CDH8: variants seen among roughly 807,000 people sequenced by gnomAD.
The protein encoded by CDH8 is cadherin-8.
Under a neutral mutation model 68.1 loss-of-function variants are expected in CDH8, and 17 were observed. The observed-to-expected ratio is 0.25, with a 90% CI of 0.17 to 0.37. The LOEUF is 0.37. CDH8 is among the 10% of genes least tolerant of loss of function. CDH8 has a pLI of 1.00. For missense variants in CDH8, 763 were observed against 999.3 expected (o/e 0.76, Z 3.19); for synonymous variants, 372 against 365.1 (o/e 1.02, Z -0.21).
intron 9 of CDH8, among the ~76,000 whole-genome samples, chr16:61,714,985 A>C (rs1286870984): frequency 6.6e-6 from 1 of 151,636 alleles, no homozygotes; most frequent in East Asian, 1.9e-4. Context: ...TTGCTTTCTA[A>C]CTTACCACTC....
intron 2 of CDH8, among the ~76,000 whole-genome samples, chr16:61,967,625 A>G (rs1965274541): frequency 6.6e-6 from 1 of 152,154 alleles, no homozygotes; most frequent in Non-Finnish European, 1.5e-5. Context: ...CAAGATTTTA[A>G]ATAATTTTTG....
intron 8 of CDH8, among the ~76,000 whole-genome samples, chr16:61,748,219 G>GTCA (rs60615047): frequency 0.56 from 84,375 of 150,876 alleles, 25,785 homozygotes; most frequent in African/African-American, 0.82. Flanking sequence ...ATTTGAGAAT[G>GTCA]TCATCATCAT....
In CDH8 at chr16:61,763,431, T is replaced by A. The variant is rs528949713; in HGVS notation, c.1414+25915A>T. On this transcript the variant is annotated intron_variant, in intron 8 of 11. Coordinates refer to ENST00000577390, the MANE Select transcript of CDH8 (RefSeq NM_001796.5). ...AAAGTCTGCATGTTCTCTTCCTCCT[T>A]CGCAAAGCATCCCATTGATCCTCTC... Among the ~76,000 whole-genome samples, 38 of 152,232 alleles carry A rather than the reference T, an allele frequency of 2.5e-4. 1 individual carries two copies. The highest frequency in any genetic ancestry group is 5.9e-4 in the Admixed American group (9 of 15,282).
chr16:61,873,470 A>G (rs971096787), intron 3 of CDH8, among the ~76,000 whole-genome samples: 1 of 152,206 alleles, frequency 6.6e-6, no homozygotes, highest in African/African-American at 2.4e-5. Flanking sequence ...TCAACTTGTA[A>G]TAATTAACAT....
intron 7 of CDH8, among the ~76,000 whole-genome samples, chr16:61,814,695 C>G (rs1962034157): frequency 2.0e-5 from 3 of 152,114 alleles, no homozygotes; most frequent in African/African-American, 7.2e-5. Context: ...TATGTGTTAC[C>G]CAATAATTCC....
In CDH8 at chr16:61,817,485, G is replaced by C. The variant is rs774332279; in HGVS notation, c.1271C>G (p.Pro424Arg). ...CCTTTTAAAATAAAAATACCTTATA[G>C]GACTGGAAGTGATATCAGGGTCACG... ...TARDPDITSS[P>R]IRFSIDRHTD... Residue 424 changes from proline (P) to arginine (R), a missense_variant, in exon 7 of 12, where the codon CCT (proline) becomes CGT (arginine). This residue lies in a region of CDH8 where 366 missense variants were observed against 563.1 expected (regional missense o/e 0.65). Coordinates refer to ENST00000577390, the MANE Select transcript of CDH8 (RefSeq NM_001796.5). 6.2e-7 allele frequency: 1 copy of C among 1,613,718 alleles called. No homozygotes were observed. The highest frequency in any genetic ancestry group is 1.3e-5 in the African/African-American group (1 of 74,866).
chr16:61,660,496 T>C (rs541751937), intron 10 of CDH8, among the ~76,000 whole-genome samples: 2 of 151,848 alleles, frequency 1.3e-5, no homozygotes, highest in East Asian at 3.9e-4. Context: ...CCAACAAATG[T>C]GCAGTGAGTG....
At chr16:61,794,493 T>C (rs1028045474) in intron 7 of CDH8, among the ~76,000 whole-genome samples, 1 of 152,106 alleles carries the variant, frequency 6.6e-6, no homozygotes, top group African/African-American at 2.4e-5. Context: ...ACATGTATTT[T>C]AACAGCTTTA....
chr16:61,923,444 G>A (rs915897082), intron 2 of CDH8, among the ~76,000 whole-genome samples: 11 of 151,944 alleles, frequency 7.2e-5, no homozygotes, highest in Non-Finnish European at 1.3e-4. Context: ...GCAGCATAAC[G>A]TTTGGGAAAA....
chr16:61,738,386 C>A (rs1026615008), intron 8 of CDH8, among the ~76,000 whole-genome samples: 1 of 152,112 alleles, frequency 6.6e-6, no homozygotes, highest in Non-Finnish European at 1.5e-5. Flanking sequence ...TTCACTCCAC[C>A]TTTTCCTACG....
chr16:61,778,399 G>A (rs1188465582), intron 8 of CDH8, among the ~76,000 whole-genome samples: 2 of 152,120 alleles, frequency 1.3e-5, no homozygotes, highest in African/African-American at 4.8e-5. Flanking sequence ...CCAAGGGCAA[G>A]AAGAAGGTCA....
At chr16:61,971,442 T>G (rs1226656334) in intron 2 of CDH8, among the ~76,000 whole-genome samples, 1 of 152,120 alleles carries the variant, frequency 6.6e-6, no homozygotes, top group African/African-American at 2.4e-5. Context: ...AATAGAATAT[T>G]TTTAAAAGAT....
rs531108587 is a variant in CDH8, at chr16:61,771,941, T to C, written c.1414+17405A>G. 7.2e-5 allele frequency among the ~76,000 whole-genome samples: 11 copies of C among 152,114 alleles called. No homozygotes were observed. In the East Asian group the frequency reaches 2.1e-3, roughly 29 times the overall value. The stretch of plus-strand genomic sequence containing the variant: ...TCCACACCTCCCTTCTCCAGCCTAA[T>C]GTTACTCATTCATTGTTAAATTATG... On this transcript the variant is annotated intron_variant, in intron 8 of 11. Transcript: ENST00000577390.
chr16:61,707,049 G>C (rs1050217612), intron 10 of CDH8, among the ~76,000 whole-genome samples: 1 of 152,106 alleles, frequency 6.6e-6, no homozygotes. Flanking sequence ...CTTTCCCTGT[G>C]CTTTACTCAT....
chr16:61,655,224 C>T (rs1233922613), intron 11 of CDH8, among the ~76,000 whole-genome samples: 1 of 152,096 alleles, frequency 6.6e-6, no homozygotes, highest in Non-Finnish European at 1.5e-5. Context: ...ACCATTATGC[C>T]TTGTTCATCG....
chr16:61,873,814 G>A (rs1480640340), intron 3 of CDH8, among the ~76,000 whole-genome samples: 2 of 152,138 alleles, frequency 1.3e-5, no homozygotes, highest in East Asian at 3.9e-4. Flanking sequence ...CCAGCACTTT[G>A]CGAAGCCAAG....
chr16:61,830,926 T>G (rs1389369289), intron 4 of CDH8, among the ~76,000 whole-genome samples: 1 of 151,886 alleles, frequency 6.6e-6, no homozygotes, highest in Non-Finnish European at 1.5e-5. Context: ...TTTGTAAATT[T>G]CCAACAGTAA....
rs537286557 is a variant in CDH8 at position 61,919,947 on chromosome 16, C to T, written c.253-18474G>A. On this transcript the variant is annotated intron_variant, in intron 2 of 11. Coordinates refer to ENST00000577390, the MANE Select transcript of CDH8 (RefSeq NM_001796.5). ...AGAACAGAGCCCTCAGAAATAATGC[C>T]GCATATCTACAACTATCTGATCTTT... 6.5e-3 allele frequency among the ~76,000 whole-genome samples: 981 copies of T among 152,064 alleles called. 10 individuals are homozygous for T. The highest frequency in any genetic ancestry group is 0.027 in the Middle Eastern group (8 of 294).
At chr16:61,655,385 T>C (rs1963419129) in intron 11 of CDH8, 85 bp downstream of exon 11, 1 of 1,368,328 alleles carries the variant, frequency 7.3e-7, no homozygotes, top group Non-Finnish European at 1.0e-6. Context: ...CTCTTGCCTG[T>C]GTAGATCAGA....
Sources: allele counts gnomAD v4.1 joint callset (sites outside exome capture counted in the v4.1 genomes callset), GRCh38; gene constraint gnomAD v4.1.1; regional missense constraint gnomAD v4.1.1; transcripts MANE v1.5; gene names NCBI Gene and HGNC (gene_info 2026-07-23, HGNC 2026-07-21).